Variants in MROH2B observed in about 807,000 individuals in gnomAD.
MROH2B encodes maestro heat like repeat family member 2B, also known as maestro heat-like repeat-containing protein family member 2B.
In MROH2B, 177 loss-of-function variants were observed where a neutral mutation model predicts 208.6. The observed-to-expected ratio is 0.85, with a 90% confidence interval of 0.75 to 0.96. MROH2B has a LOEUF of 0.96. Ranked by LOEUF, MROH2B falls within the 40% of genes least tolerant of loss-of-function variation. The pLI, the probability that MROH2B is intolerant of heterozygous loss-of-function variation, is 0.00. For missense variants in MROH2B, 2,002 were observed against 1,878.7 expected, an observed-to-expected ratio of 1.07 and a Z score of -1.21; for synonymous variants, 728 against 659.0, an observed-to-expected ratio of 1.10 and a Z score of -1.60.
At chr5:41,034,784 C>T (rs1244171275) in intron 21 of MROH2B, among the ~76,000 whole-genome samples, 3 of 152,084 alleles carry the variant, frequency 2.0e-5, no homozygotes, top group African/African-American at 7.2e-5. Context: ...ACAAAAATCA[C>T]TAGCATTTTC....
Position 41,004,425 on chromosome 5 carries a change from A to AT in MROH2B, c.4114dup (p.Ile1372AsnfsTer26), listed in dbSNP as rs756600463. On this transcript the variant is annotated frameshift_variant, in exon 37 of 42. Coordinates refer to ENST00000399564, the MANE Select transcript of MROH2B (RefSeq NM_173489.5). LOFTEE classifies it high-confidence loss of function. ...GTCTCGGTCTGTCAGCAGCTCCAGG[A>AT]TTTTTTTTAGAGCCTTCAAGCTTTC... The AT allele has an allele frequency of 2.4e-5, 39 of 1,613,654 alleles. No individual in the cohort carries two copies. Among genetic ancestry groups the AT allele is most frequent in the Admixed American group, 1.5e-4 (9 of 59,984 alleles).
In MROH2B at chr5:41,033,781, T is replaced by TTATCTATCTATC. The variant is rs368384200; in HGVS notation, c.2241+45_2241+56dup. ...TTGCTTGGCACACTTCAGGGGGGCA[T>TTATCTATCTATC]TATCTATCTATCTATCTATCTATCT... On this transcript the variant is annotated intron_variant, in intron 22 of 41. Coordinates refer to ENST00000399564, the MANE Select transcript of MROH2B (RefSeq NM_173489.5). 5.5e-3 allele frequency: 4,226 copies of TTATCTATCTATC among 770,668 alleles called. 39 individuals carry two copies. Among genetic ancestry groups the TTATCTATCTATC allele is most frequent in the Middle Eastern group, 6.2e-3 (22 of 3,526 alleles). The allele number at this position is 770,668 out of a possible 1,614,324, so 47.7% of individuals were successfully genotyped here. A position where few individuals can be genotyped will look rare whatever the true frequency, so the allele number is the denominator to read the frequency against.
intron 6 of MROH2B, among the ~76,000 whole-genome samples, chr5:41,059,962 A>G (rs924945988): frequency 2.1e-4 from 32 of 152,160 alleles, no homozygotes; most frequent in Non-Finnish European, 1.6e-4. Flanking sequence ...CCTCAAACCT[A>G]CTAATATCTC....
intron 7 of MROH2B, 72 bp downstream of exon 7, chr5:41,057,991 T>A: frequency 7.2e-7 from 1 of 1,381,078 alleles, no homozygotes; most frequent in Non-Finnish European, 9.5e-7. Context: ...TAGGGTCTTT[T>A]GAGACTTAAA....
chr5:41,004,365 G>T lies in MROH2B; in HGVS notation c.4175C>A (p.Thr1392Lys). 2 of 1,613,216 alleles carry T rather than the reference G, an allele frequency of 1.2e-6. No individual in the cohort carries two copies. Among genetic ancestry groups the T allele is most frequent in the Non-Finnish European group, 1.7e-6 (2 of 1,179,720 alleles). The part of the protein sequence containing the change: ...SFYFKEIVLQ[T>K]RTFFEDEQDD... The stretch of plus-strand genomic sequence containing the variant: ...ACTTACATCTTCAAAGAAGGTCCTT[G>T]TTTGCAGCACTATTTCCTTGAAGTA... The change falls in exon 37 of 42, where the codon ACA becomes AAA. Residue 1392 changes from threonine (T) to lysine (K), a missense_variant. By Grantham distance (78) the Thr-to-Lys change is moderately conservative. Coordinates refer to ENST00000399564, the MANE Select transcript of MROH2B (RefSeq NM_173489.5).
At chr5:41,014,844 ATTATCT>A (rs1283759466) in intron 29 of MROH2B, among the ~76,000 whole-genome samples, 14 of 151,966 alleles carry the variant, frequency 9.2e-5, no homozygotes, top group Non-Finnish European at 4.4e-5. Context: ...CTCAGTTATC[ATTATCT>A]GATATTATGC....
intron 15 of MROH2B, 141 bp downstream of exon 15, chr5:41,048,960 T>C: frequency 1.4e-6 from 1 of 725,910 alleles, no homozygotes; most frequent in Non-Finnish European, 2.3e-6. Context: ...ATGTCACTAG[T>C]ATAGCAGAAA....
rs1741921691 is a variant in MROH2B, at chr5:41,015,627, T to C, written c.2885-149A>G. On this transcript the variant is annotated intron_variant, in intron 28 of 41. Coordinates refer to ENST00000399564, the MANE Select transcript of MROH2B (RefSeq NM_173489.5). Reference sequence around the variant, plus strand: ...TAACACATACTGAGTGGTTTCTACATGCTGGGCACCATGCAGATACTCTGC... The same window carrying C: ...TAACACATACTGAGTGGTTTCTACACGCTGGGCACCATGCAGATACTCTGC... 1.4e-5 allele frequency: 9 copies of C among 638,958 alleles called. No individual in the cohort carries two copies. The South Asian group carries it at 1.8e-4, about 13-fold the overall frequency. 39.6% of individuals were successfully genotyped at this position (638,958 alleles called of 1,614,324 possible).
intron 17 of MROH2B, 30 bp from the exon 18 acceptor site, chr5:41,045,883 A>G: frequency 4.0e-6 from 6 of 1,518,048 alleles, no homozygotes; most frequent in Non-Finnish European, 5.4e-6. Context: ...TTAGATGTGA[A>G]TATGACCGTT....
At chr5:41,029,265 A>G (rs1281262753) in intron 24 of MROH2B, among the ~76,000 whole-genome samples, 1 of 152,128 alleles carries the variant, frequency 6.6e-6, no homozygotes, top group Non-Finnish European at 1.5e-5. Flanking sequence ...CCATTTGCAT[A>G]TCTTCTTTTG....
intron 17 of MROH2B, 122 bp from the exon 18 acceptor site, chr5:41,045,975 C>A: frequency 4.0e-6 from 2 of 501,620 alleles, no homozygotes; most frequent in Non-Finnish European, 6.6e-6. Context: ...TTCCCTTTTC[C>A]ATAAAATAAC....
At chr5:41,029,623 CT>C (rs1308717999) in intron 24 of MROH2B, among the ~76,000 whole-genome samples, 3 of 152,112 alleles carry the variant, frequency 2.0e-5, no homozygotes, top group African/African-American at 4.8e-5. Context: ...CTAAAATCAA[CT>C]CACAATGGAT....
chr5:41,035,642 A>G (rs976157175), intron 21 of MROH2B, among the ~76,000 whole-genome samples: 8 of 152,036 alleles, frequency 5.3e-5, no homozygotes, highest in African/African-American at 1.4e-4. Context: ...AACAACCCCA[A>G]TAAAAAGTGA....
chr5:41,052,351 T>G, intron 12 of MROH2B, 114 bp downstream of exon 12: 1 of 1,009,754 alleles, frequency 9.9e-7, no homozygotes. Context: ...TTTATTTATT[T>G]TTTACTCTAC....
chr5:41,031,426 C>T (rs2150166012), intron 24 of MROH2B, among the ~76,000 whole-genome samples: 1 of 152,218 alleles, frequency 6.6e-6, no homozygotes, highest in African/African-American at 2.4e-5. Context: ...TTGGGGATTA[C>T]AATTCGAGAT....
At chr5:41,013,011 A>T (rs965420512) in intron 29 of MROH2B, among the ~76,000 whole-genome samples, 8 of 152,256 alleles carry the variant, frequency 5.3e-5, no homozygotes, top group Non-Finnish European at 5.9e-5. Flanking sequence ...GCCTAAAGTT[A>T]TAGCATACAG....
chr5:41,051,091 C>T lies in MROH2B; in HGVS notation c.1231-1G>A. 6.5e-7 allele frequency: 1 copy of T among 1,529,942 alleles called. No individual in the cohort carries two copies. Among genetic ancestry groups the T allele is most frequent in the Non-Finnish European group, 8.7e-7 (1 of 1,147,362 alleles). The allele number at this position is 1,529,942 out of a possible 1,614,324, so 94.8% of individuals were successfully genotyped here. A position where few individuals can be genotyped will look rare whatever the true frequency, so the allele number is the denominator to read the frequency against. ...GAAAGTTAGTTTTCACTGGTTTCTC[C>T]TTTAAGAAAGATCAAACAGGTGACT... On this transcript the variant is annotated splice_acceptor_variant, in intron 12 of 41. Coordinates refer to ENST00000399564, the MANE Select transcript of MROH2B (RefSeq NM_173489.5). LOFTEE classifies it high-confidence loss of function.
intron 2 of MROH2B, among the ~76,000 whole-genome samples, chr5:41,067,787 C>A (rs1743858236): frequency 6.6e-6 from 1 of 152,142 alleles, no homozygotes; most frequent in African/African-American, 2.4e-5. Flanking sequence ...AATTGACAAC[C>A]AGGAGAGGCT....
chr5:41,039,085 T>G lies in MROH2B; in HGVS notation c.2062-197A>C, dbSNP rs554254081. Among the ~76,000 whole-genome samples, 28 of 152,274 alleles carry G rather than the reference T, an allele frequency of 1.8e-4. No homozygotes were observed. In the South Asian group the frequency reaches 5.6e-3, roughly 30 times the overall value. ...ATGGTCCTGTGGGATGATCAGGCCT[T>G]CAGAGAGGTAACTGGGAGAAGCTTT... On this transcript the variant is annotated intron_variant, in intron 20 of 41. Transcript: ENST00000399564.
Sources: allele counts gnomAD v4.1 joint callset (sites outside exome capture counted in the v4.1 genomes callset), GRCh38; gene constraint gnomAD v4.1.1; transcripts MANE v1.5; gene names NCBI Gene and HGNC (gene_info 2026-07-23, HGNC 2026-07-21).